Variants in TFEB observed in about 807,000 individuals in gnomAD.
The protein encoded by TFEB is transcription factor EB.
A neutral mutation model predicts 48.0 loss-of-function variants in TFEB; 12 were observed. That is an observed-to-expected ratio of 0.25 (90% CI 0.16 to 0.40). The LOEUF (loss-of-function observed/expected upper bound fraction) is 0.40. Ranked by LOEUF, TFEB falls within the 10% of genes least tolerant of loss-of-function variation. TFEB has a pLI of 1.00. For missense variants in TFEB, 509 were observed against 640.3 expected (o/e 0.79, Z 2.21); for synonymous variants, 244 against 261.4 (o/e 0.93, Z 0.64).
In TFEB at chr6:41,691,192, G is replaced by T; in HGVS notation, c.22C>A (p.Arg8Ser). The T allele has an allele frequency of 6.3e-7, 1 of 1,587,340 alleles. No homozygotes were observed. MASRIGL[R>S]MQLMREQAQQ... ...GCCTGCTCCCGCATGAGCTGCATGCGCAACCCTATGCGTGACGCCATGGTG... is the reference window on the plus strand; with the variant it reads ...GCCTGCTCCCGCATGAGCTGCATGCTCAACCCTATGCGTGACGCCATGGTG... Residue 8 changes from arginine (R) to serine (S), a missense_variant, in exon 2 of 9, where the codon CGC becomes AGC. Arg to Ser is a moderately radical substitution (Grantham distance 110, BLOSUM62 -1). Around this residue, in one of 4 missense-constraint regions of TFEB, gnomAD observed 251 missense variants for 317.2 expected, o/e 0.79. Coordinates refer to ENST00000373033, the MANE Select transcript of TFEB (RefSeq NM_001271944.2). This position sits in a 1 kb window ranked among gnomAD's most constrained non-coding sequence, Gnocchi z 5.2.
chr6:41,728,591 A>G (rs895709092), intron 1 of TFEB, among the ~76,000 whole-genome samples: 1 of 152,008 alleles, frequency 6.6e-6, no homozygotes, highest in Non-Finnish European at 1.5e-5. Flanking sequence ...GCAATTATAA[A>G]CAAGGCAAAG....
upstream of TFEB, chr6:41,736,097 A>T (rs1771665066): frequency 6.2e-6 from 10 of 1,611,866 alleles, no homozygotes; most frequent in Non-Finnish European, 8.5e-6. Context: ...ATATGACAGT[A>T]GAAGGCAGCC....
rs1457188091 is a variant in TFEB, at chr6:41,684,035, T to G, written c.*564A>C. 8.8e-6 allele frequency: 2 copies of G among 228,012 alleles called. No homozygotes were observed. Among genetic ancestry groups the G allele is most frequent in the Non-Finnish European group, 1.7e-5 (2 of 114,576 alleles). The allele number at this position is 228,012 out of a possible 1,614,324, so 14.1% of individuals were successfully genotyped here. A position where few individuals can be genotyped will look rare whatever the true frequency, so the allele number is the denominator to read the frequency against. ...TGAGGGGTCGGAGGGCAGCTGCTCTTCCGGCAGTGACCCCTCCCGCTTCTG... is the reference window on the plus strand; with the variant it reads ...TGAGGGGTCGGAGGGCAGCTGCTCTGCCGGCAGTGACCCCTCCCGCTTCTG... On this transcript the variant is annotated 3_prime_UTR_variant, in exon 9 of 9. Transcript: ENST00000373033.
At chr6:41,695,137 A>G (rs1421383335) in intron 1 of TFEB, among the ~76,000 whole-genome samples, 2 of 152,186 alleles carry the variant, frequency 1.3e-5, no homozygotes, top group African/African-American at 4.8e-5. Flanking sequence ...TCTCTGTGCT[A>G]GGCTGTCTTC....
At position 41,687,153 on chromosome 6, in the gene TFEB, C is replaced by T. The variant is rs1432343910; in HGVS notation, c.744G>A (p.Arg248=). Residue 248 remains arginine (R), a synonymous_variant, in exon 7 of 9, where the codon AGG becomes AGA. Transcript: ENST00000373033. ...CCTTGATGCGGTCATTGATGTTGAA[C>T]CTTCGTCTCCTTTCAACTAAAGGTA... ...DNHNLIERRR[R]FNINDRIKEL... The T allele has an allele frequency of 3.7e-6, 6 of 1,614,158 alleles. No individual in the cohort carries two copies. In the South Asian group the frequency reaches 4.4e-5, roughly 12 times the overall value.
At chr6:41,697,916 G>A (rs1769694702) in intron 1 of TFEB, among the ~76,000 whole-genome samples, 1 of 152,120 alleles carries the variant, frequency 6.6e-6, no homozygotes, top group African/African-American at 2.4e-5. Flanking sequence ...CCTCTTGGGA[G>A]GAAATATACA....
chr6:41,702,973 T>C (rs1770013737), intron 1 of TFEB, among the ~76,000 whole-genome samples: 1 of 152,136 alleles, frequency 6.6e-6, no homozygotes, highest in African/African-American at 2.4e-5. Context: ...AGCATGGATG[T>C]GTGGAGGGCT....
Position 41,684,840 on chromosome 6 carries a change from C to T in TFEB, c.1190G>A (p.Ser397Asn). The change falls in exon 9 of 9, where the codon AGC becomes AAC. Residue 397 changes from serine to asparagine, a missense_variant. By Grantham distance (46) the Ser-to-Asn change is conservative. This residue lies in a region of TFEB where 168 missense variants were observed against 161.0 expected (regional missense o/e 1.04). Transcript: ENST00000373033. Reference sequence around the variant, plus strand: ...CCTGCCCCCAAAGCTCAGGCTGTGGCTGAAGTCCAGGTGATGGAATGGGGA... The same window carrying T: ...CCTGCCCCCAAAGCTCAGGCTGTGGTTGAAGTCCAGGTGATGGAATGGGGA... ...PPSPFHHLDFSHSLSFGGRED... is the reference protein window; with the variant it reads ...PPSPFHHLDFNHSLSFGGRED... 1 of 1,583,372 alleles carries T rather than the reference C, an allele frequency of 6.3e-7. No individual in the cohort carries two copies. The highest frequency in any genetic ancestry group is 2.3e-5 in the East Asian group (1 of 44,294).
intron 1 of TFEB, among the ~76,000 whole-genome samples, chr6:41,714,227 G>A (rs550356217): frequency 6.6e-6 from 1 of 152,332 alleles, no homozygotes; most frequent in Admixed American, 6.5e-5. Context: ...GTCTGTGTGT[G>A]TGCGTGTGTG....
chr6:41,688,242 A>G (rs969801144), intron 4 of TFEB: 22 of 530,362 alleles, frequency 4.1e-5, no homozygotes, highest in African/African-American at 3.7e-4. Context: ...CCCCTGGCCT[A>G]GAGTGTCTGA....
intron 1 of TFEB, among the ~76,000 whole-genome samples, chr6:41,708,578 TCA>T (rs1322147756): frequency 6.6e-6 from 1 of 152,210 alleles, no homozygotes; most frequent in Non-Finnish European, 1.5e-5. Context: ...CCTTGCTCCT[TCA>T]CACACATTTT....
Position 41,723,925 on chromosome 6 carries a change from C to A in TFEB, c.-23+11425G>T, listed in dbSNP as rs1258518184. 1.9e-6 allele frequency: 1 copy of A among 513,444 alleles called. No homozygotes were observed. Among genetic ancestry groups the A allele is most frequent in the Non-Finnish European group, 3.9e-6 (1 of 257,624 alleles). 31.8% of individuals were successfully genotyped at this position (513,444 alleles called of 1,614,324 possible). On this transcript the variant is annotated intron_variant, in intron 1 of 8. Transcript: ENST00000373033. This position sits in a 1 kb window ranked among gnomAD's most constrained non-coding sequence, Gnocchi z 6.0. Reference sequence around the variant, plus strand: ...AGGGTGGGCCTAACCCTAACCCCAGCCCCGCTTCCTAGAGACATGTGTCCT... The same window carrying A: ...AGGGTGGGCCTAACCCTAACCCCAGACCCGCTTCCTAGAGACATGTGTCCT...
At chr6:41,713,708 A>T (rs545057349) in intron 1 of TFEB, among the ~76,000 whole-genome samples, 3 of 152,292 alleles carry the variant, frequency 2.0e-5, no homozygotes, top group African/African-American at 7.2e-5. Context: ...GCCCCTTTGC[A>T]TGAATCATTT....
chr6:41,701,039 G>A (rs911823368), intron 1 of TFEB, among the ~76,000 whole-genome samples: 11 of 152,252 alleles, frequency 7.2e-5, no homozygotes, highest in African/African-American at 2.7e-4. Context: ...ACTAGAAAAG[G>A]ATTCCACCCC....
At chr6:41,712,141 C>G (rs1053585229) in intron 1 of TFEB, among the ~76,000 whole-genome samples, 1 of 152,164 alleles carries the variant, frequency 6.6e-6, no homozygotes, top group Non-Finnish European at 1.5e-5. Context: ...AGCCTGTCCT[C>G]CAGCTCTGGA....
At position 41,691,306 on chromosome 6, in the gene TFEB, A is replaced by G. The variant is rs1581881059; in HGVS notation, c.-22-71T>C. 6.9e-7 allele frequency: 1 copy of G among 1,450,350 alleles called. No homozygotes were observed. The highest frequency in any genetic ancestry group is 9.5e-7 in the Non-Finnish European group (1 of 1,055,434). 89.8% of individuals were successfully genotyped at this position (1,450,350 alleles called of 1,614,324 possible). A position where few individuals can be genotyped will look rare whatever the true frequency, so the allele number is the denominator to read the frequency against. On this transcript the variant is annotated intron_variant, in intron 1 of 8. Coordinates refer to ENST00000373033, the MANE Select transcript of TFEB (RefSeq NM_001271944.2). The surrounding 1 kb of genome is among the most constrained non-coding windows in gnomAD (Gnocchi z 5.2). ...TCAAAGCACAGGGGCTGGCAGGGGG[A>G]GGCCAGAATGACTGGGACCGCATCC... is the stretch of plus-strand genomic sequence containing the variant.
At chr6:41,714,421 C>T (rs577329782) in intron 1 of TFEB, among the ~76,000 whole-genome samples, 1 of 152,196 alleles carries the variant, frequency 6.6e-6, no homozygotes, top group African/African-American at 2.4e-5. Flanking sequence ...GAATCTGGAA[C>T]CCAGGCTGGG....
Position 41,687,764 on chromosome 6 carries a change from T to C in TFEB, c.716A>G (p.Asn239Ser), listed in dbSNP as rs776983107. The change falls in exon 6 of 9, where the codon AAT becomes AGT. Residue 239 changes from asparagine (N) to serine (S), a missense_variant. Physicochemically the swap from Asn to Ser is conservative, Grantham distance 46. This residue lies in a region of TFEB where 28 missense variants were observed against 71.9 expected (regional missense o/e 0.39). Transcript: ENST00000373033. Reference sequence around the variant, plus strand: ...GGGGCAGGACTCACTTAAGTTGTGATTGTCTTTCTTCTGCCGCTCCTTGGC... The same window carrying C: ...GGGGCAGGACTCACTTAAGTTGTGACTGTCTTTCTTCTGCCGCTCCTTGGC... ...ALAKERQKKDNHNLIERRRRF... is the reference protein window; with the variant it reads ...ALAKERQKKDSHNLIERRRRF... The C allele has an allele frequency of 1.2e-6, 2 of 1,613,980 alleles. No individual in the cohort carries two copies. The highest frequency in any genetic ancestry group is 1.1e-5 in the South Asian group (1 of 91,060).
At position 41,691,091 on chromosome 6, in the gene TFEB, TTGCTGCTGC is replaced by T. The variant is rs772019309; in HGVS notation, c.114_122del (p.Gln42_Gln44del). The T allele has an allele frequency of 5.7e-6, 9 of 1,577,048 alleles. No homozygotes were observed. The highest frequency in any genetic ancestry group is 2.7e-5 in the African/African-American group (2 of 74,052). ...TGGGCGGCCCTCCGAGCTGCTGCTG[TTGCTGCTGC>T]TGCTGCTGCTGCATGTAATGCATGA... On this transcript the variant is annotated inframe_deletion, in exon 2 of 9. Transcript: ENST00000373033. The surrounding 1 kb of genome is among the most constrained non-coding windows in gnomAD (Gnocchi z 5.2).
Sources: gnomAD v4.1 joint callset for allele counts (sites outside exome capture counted in the v4.1 genomes callset) on GRCh38, gnomAD v4.1.1 for gene constraint, gnomAD v4.1.1 regional missense constraint, Gnocchi (gnomAD v3.1) non-coding constraint, MANE v1.5 for transcripts, NCBI Gene and HGNC (gene_info 2026-07-23, HGNC 2026-07-21) for gene names.